NAALADL2: variants seen among roughly 807,000 people sequenced by gnomAD.
The protein encoded by NAALADL2 is inactive N-acetylated-alpha-linked acidic dipeptidase-like protein 2.
NAALADL2 carries 76 observed loss-of-function variants against 87.2 expected under a neutral mutation model. The observed-to-expected ratio is 0.87, with a 90% CI of 0.72 to 1.05. NAALADL2 has a LOEUF of 1.05. Ranked by LOEUF, NAALADL2 falls within the 50% of genes least tolerant of loss-of-function variation. The probability of loss-of-function intolerance (pLI) is 0.00; values close to 1 mark genes in which losing one functional copy is unlikely to be tolerated. For missense variants in NAALADL2, 1,089 were observed against 945.8 expected (o/e 1.15, Z -1.99); for synonymous variants, 354 against 331.0 (o/e 1.07, Z -0.75).
At chr3:174,796,956 TTTAA>T (rs1243143350) in intron 3 of NAALADL2, among the ~76,000 whole-genome samples, 8 of 152,094 alleles carry the variant, frequency 5.3e-5, no homozygotes, top group African/African-American at 1.9e-4. Context: ...ATCTTGTTAG[TTTAA>T]TTAAGTCACA....
At chr3:174,897,495 A>C (rs138296942) in intron 1 of NAALADL2, among the ~76,000 whole-genome samples, 4,278 of 152,240 alleles carry the variant, frequency 0.028, 194 homozygotes, top group African/African-American at 0.098. Context: ...AAAATGGATT[A>C]TATCCAAAAG....
intron 2 of NAALADL2, among the ~76,000 whole-genome samples, chr3:174,618,135 A>G (rs1326459100): frequency 6.6e-6 from 1 of 151,806 alleles, no homozygotes; most frequent in Admixed American, 6.6e-5. Context: ...GTAACTCAAC[A>G]TAGATGGTTT....
intron 2 of NAALADL2, among the ~76,000 whole-genome samples, chr3:174,656,984 TCCCTCCCTTCCTTCCTTTTTTCCTTCC>T (rs1725006024): frequency 6.6e-6 from 1 of 151,134 alleles, no homozygotes; most frequent in African/African-American, 2.4e-5. Context: ...GCTTCCCTTC[TCCCTCCCTTCCTTCCTTTTTTCCTTCC>T]TCTCTCTCTC....
chr3:175,215,843 G>T (rs1742433588), intron 2 of NAALADL2, among the ~76,000 whole-genome samples: 2 of 152,186 alleles, frequency 1.3e-5, no homozygotes, highest in Admixed American at 1.3e-4. Context: ...GGATAGTGCA[G>T]AAAGTAAGAC....
intron 9 of NAALADL2, among the ~76,000 whole-genome samples, chr3:175,512,827 C>T (rs1731341977): frequency 6.6e-6 from 1 of 152,150 alleles, no homozygotes; most frequent in African/African-American, 2.4e-5. Flanking sequence ...TGAAAGGCGG[C>T]CAGCAGAAGC....
chr3:175,567,508 A>G (rs1001565513), intron 9 of NAALADL2, among the ~76,000 whole-genome samples: 7 of 152,162 alleles, frequency 4.6e-5, no homozygotes, highest in Non-Finnish European at 1.0e-4. Context: ...TTAAGGTCGT[A>G]TAAATTAACA....
chr3:174,813,097 C>T (rs1720398667), intron 3 of NAALADL2, among the ~76,000 whole-genome samples: 1 of 152,162 alleles, frequency 6.6e-6, no homozygotes. Flanking sequence ...CTCACTGACT[C>T]ACCAGAACAA....
At chr3:174,746,613 G>C (rs965349969) in intron 3 of NAALADL2, among the ~76,000 whole-genome samples, 7 of 151,822 alleles carry the variant, frequency 4.6e-5, no homozygotes, top group African/African-American at 1.7e-4. Flanking sequence ...AAAAAGAGTT[G>C]ATATAGCTAA....
rs1264948230 is a variant in NAALADL2 at position 175,263,712 on chromosome 3, A to G, written c.939+7182A>G. On this transcript the variant is annotated intron_variant, in intron 4 of 13. Transcript: ENST00000454872. ...TGTTATAAATTAAACAAAGTAAAATAGCAAGGAAGAGAGAGAGAAAACAGT... is the reference window on the plus strand; with the variant it reads ...TGTTATAAATTAAACAAAGTAAAATGGCAAGGAAGAGAGAGAGAAAACAGT... Among the ~76,000 whole-genome samples, 3 of 151,808 alleles carry G rather than the reference A, an allele frequency of 2.0e-5. No individual in the cohort carries two copies. In the East Asian group the frequency reaches 5.8e-4, roughly 29 times the overall value.
intron 10 of NAALADL2, among the ~76,000 whole-genome samples, chr3:175,576,903 C>T (rs1459423609): frequency 6.6e-6 from 1 of 152,082 alleles, no homozygotes; most frequent in Admixed American, 6.6e-5. Flanking sequence ...AAAATAATGG[C>T]TGGAAAGTAC....
intron 2 of NAALADL2, among the ~76,000 whole-genome samples, chr3:175,181,674 T>C (rs999537709): frequency 1.9e-5 from 2 of 106,858 alleles, no homozygotes; most frequent in Non-Finnish European, 3.9e-5. Context: ...TAGTATTCCA[T>C]TGGCATATAT....
intron 1 of NAALADL2, among the ~76,000 whole-genome samples, chr3:175,063,202 T>C (rs570054192): frequency 2.9e-4 from 44 of 152,284 alleles, no homozygotes; most frequent in African/African-American, 1.1e-3. Flanking sequence ...GACAGCTGAA[T>C]TATTGCAGTG....
intron 1 of NAALADL2, among the ~76,000 whole-genome samples, chr3:175,083,737 A>G (rs1718331104): frequency 6.6e-6 from 1 of 152,222 alleles, no homozygotes; most frequent in Non-Finnish European, 1.5e-5. Flanking sequence ...ATGAGGTATT[A>G]CTATCCTATT....
intron 1 of NAALADL2, among the ~76,000 whole-genome samples, chr3:174,482,847 C>T (rs149069994): frequency 6.2e-4 from 94 of 152,150 alleles, no homozygotes; most frequent in African/African-American, 2.0e-3. Flanking sequence ...TGTTCATGCT[C>T]GCCTTCAGAT....
chr3:175,580,269 T>C (rs747105850), intron 10 of NAALADL2, among the ~76,000 whole-genome samples: 16 of 152,110 alleles, frequency 1.1e-4, no homozygotes, highest in African/African-American at 3.9e-4. Flanking sequence ...AATTTTAACA[T>C]TGAGGTAATT....
At chr3:174,562,045 A>G (rs1259716387) in intron 2 of NAALADL2, among the ~76,000 whole-genome samples, 1 of 152,156 alleles carries the variant, frequency 6.6e-6, no homozygotes, top group Admixed American at 6.5e-5. Context: ...AGAACCTACT[A>G]AATTATTTTT....
chr3:175,595,196 G>C (rs1356457570), intron 10 of NAALADL2, among the ~76,000 whole-genome samples: 1 of 152,066 alleles, frequency 6.6e-6, no homozygotes, highest in Non-Finnish European at 1.5e-5. Context: ...TAGGGGTCCA[G>C]TTTCATTATT....
chr3:174,484,889 G>C (rs564231474), intron 1 of NAALADL2, among the ~76,000 whole-genome samples: 1 of 151,462 alleles, frequency 6.6e-6, no homozygotes, highest in South Asian at 2.1e-4. Flanking sequence ...TTTACATTAT[G>C]GTATAGCTCC....
At chr3:175,243,070 A>AACACACACAC (rs145805880) in intron 3 of NAALADL2, among the ~76,000 whole-genome samples, 1 of 147,072 alleles carries the variant, frequency 6.8e-6, no homozygotes, top group Admixed American at 6.9e-5. Context: ...TCCTTTCCAT[A>AACACACACAC]ACACACACAC....
Sources: allele counts gnomAD v4.1 joint callset (sites outside exome capture counted in the v4.1 genomes callset), GRCh38; gene constraint gnomAD v4.1.1; transcripts MANE v1.5; gene names NCBI Gene and HGNC (gene_info 2026-07-23, HGNC 2026-07-21).